CGGBP1: variants seen among roughly 807,000 people sequenced by gnomAD.
CGGBP1 encodes the protein CGG triplet repeat-binding protein 1.
A neutral mutation model predicts 11.4 loss-of-function variants in CGGBP1; 4 were observed. That is an observed-to-expected ratio of 0.35 (90% CI 0.17 to 0.80). The LOEUF (loss-of-function observed/expected upper bound fraction) is 0.80, where lower values mean the gene tolerates loss of function less well. Ranked by LOEUF, CGGBP1 falls within the 30% of genes least tolerant of loss-of-function variation. CGGBP1 has a pLI of 0.52. For missense variants in CGGBP1, 135 were observed against 202.1 expected (o/e 0.67, Z 2.01); for synonymous variants, 76 against 74.1 (o/e 1.03, Z -0.13).
intron 2 of CGGBP1, among the ~76,000 whole-genome samples, chr3:88,105,395 GTGT>G (rs1704676850): frequency 2.0e-5 from 3 of 152,068 alleles, no homozygotes; most frequent in South Asian, 2.1e-4. Context: ...GAATTTTGTT[GTGT>G]TGATGTAGCA....
intron 2 of CGGBP1, among the ~76,000 whole-genome samples, chr3:88,098,251 C>T (rs988856145): frequency 6.6e-6 from 1 of 151,986 alleles, no homozygotes; most frequent in Non-Finnish European, 1.5e-5. Flanking sequence ...TAAATTCCTG[C>T]ACACATACAC....
At chr3:88,083,761 T>C (rs1419160293) in intron 2 of CGGBP1, among the ~76,000 whole-genome samples, 1 of 152,122 alleles carries the variant, frequency 6.6e-6, no homozygotes, top group Non-Finnish European at 1.5e-5. Context: ...TTCAGCGTTA[T>C]CCTGGCCACC....
At chr3:88,076,343 T>C (rs1255615372) in intron 2 of CGGBP1, among the ~76,000 whole-genome samples, 1 of 152,204 alleles carries the variant, frequency 6.6e-6, no homozygotes, top group African/African-American at 2.4e-5. Context: ...CCAGTCACCC[T>C]TCCTTTATTA....
chr3:88,059,007 G>T, upstream of CGGBP1: 1 of 382,940 alleles, frequency 2.6e-6, no homozygotes, highest in African/African-American at 2.2e-5. Context: ...ACCGCCTATG[G>T]CAGAGCCCGT....
intron 2 of CGGBP1, among the ~76,000 whole-genome samples, chr3:88,124,676 T>C (rs1393204656): frequency 6.6e-6 from 1 of 152,208 alleles, no homozygotes; most frequent in Non-Finnish European, 1.5e-5. Flanking sequence ...GAAGCTTTGC[T>C]TTATAACTGC....
chr3:88,115,264 T>G (rs1290000429), intron 2 of CGGBP1, among the ~76,000 whole-genome samples: 2 of 152,204 alleles, frequency 1.3e-5, no homozygotes, highest in Middle Eastern at 3.2e-3. Context: ...TTTGTTGGAT[T>G]TGAGTTAACT....
At chr3:88,101,171 A>T (rs1704399608) in intron 2 of CGGBP1, among the ~76,000 whole-genome samples, 2 of 152,266 alleles carry the variant, frequency 1.3e-5, no homozygotes, top group South Asian at 2.1e-4. Context: ...TCAGTTTATA[A>T]TTCAGTGATT....
intron 2 of CGGBP1, among the ~76,000 whole-genome samples, chr3:88,064,433 T>A (rs1317755096): frequency 6.6e-6 from 1 of 152,176 alleles, no homozygotes; most frequent in African/African-American, 2.4e-5. Flanking sequence ...TTCAGTGTCT[T>A]CAGAGAATTA....
At chr3:88,089,741 A>T (rs190524534) in intron 2 of CGGBP1, among the ~76,000 whole-genome samples, 1 of 152,280 alleles carries the variant, frequency 6.6e-6, no homozygotes, top group East Asian at 1.9e-4. Flanking sequence ...GATCCCAAAA[A>T]TATCTTGAGA....
intron 2 of CGGBP1, among the ~76,000 whole-genome samples, chr3:88,118,829 A>C (rs189216500): frequency 3.9e-4 from 60 of 152,278 alleles, no homozygotes; most frequent in African/African-American, 1.2e-3. Flanking sequence ...TCAAAACCAC[A>C]ATGAGATACC....
intron 2 of CGGBP1, among the ~76,000 whole-genome samples, chr3:88,077,962 T>C (rs1707902244): frequency 6.6e-6 from 1 of 152,210 alleles, no homozygotes; most frequent in Non-Finnish European, 1.5e-5. Context: ...CTATTATGAA[T>C]GTAAATAAAA....
chr3:88,129,053 T>TACCAAAAAAAA, intron 2 of CGGBP1: 1 of 1,370,616 alleles, frequency 7.3e-7, no homozygotes, highest in Non-Finnish European at 9.6e-7. Context: ...ATTTTAACCC[T>TACCAAAAAAAA]ACCAAAAAAA....
chr3:88,059,769 CG>C (rs1559681703), upstream of CGGBP1, among the ~76,000 whole-genome samples: 3 of 152,168 alleles, frequency 2.0e-5, no homozygotes, highest in African/African-American at 7.2e-5. Context: ...GTCGGCTGTC[CG>C]GAAAGCTCTG....
chr3:88,135,261 G>A, intron 2 of CGGBP1: 1 of 1,280,362 alleles, frequency 7.8e-7, no homozygotes, highest in Non-Finnish European at 1.0e-6. Flanking sequence ...ACTGAAACTT[G>A]AATCTCTTTT....
chr3:88,085,995 G>T (rs985720227), intron 2 of CGGBP1, among the ~76,000 whole-genome samples: 3 of 152,124 alleles, frequency 2.0e-5, no homozygotes, highest in African/African-American at 4.8e-5. Context: ...AAGGGCATTA[G>T]TTAACAAAAT....
At chr3:88,119,799 C>T (rs1705660860) in intron 2 of CGGBP1, among the ~76,000 whole-genome samples, 1 of 152,086 alleles carries the variant, frequency 6.6e-6, no homozygotes, top group South Asian at 2.1e-4. Context: ...TAATTCATTA[C>T]TTATTTTAAA....
chr3:88,065,198 C>T (rs1418882149), intron 2 of CGGBP1, among the ~76,000 whole-genome samples: 3 of 152,104 alleles, frequency 2.0e-5, no homozygotes, highest in Non-Finnish European at 4.4e-5. Flanking sequence ...AAGACATCAA[C>T]TCGTTTATTA....
At chr3:88,145,126 T>C (rs1185569221) in intron 1 of CGGBP1, among the ~76,000 whole-genome samples, 1 of 152,066 alleles carries the variant, frequency 6.6e-6, no homozygotes, top group African/African-American at 2.4e-5. Flanking sequence ...TGAAAATTAC[T>C]TCCTAGGAAA....
At position 88,143,167 on chromosome 3, in the gene CGGBP1, TC is replaced by T. The variant is rs1707208325; in HGVS notation, c.-337-2090del. On this transcript the variant is annotated intron_variant, in intron 1 of 3. Transcript: ENST00000462901. ...GCTATTACGGAAGTGGGGAATTTCT[TC>T]CAGGTAGCATCCATATTTTATTAAA... 3.3e-5 allele frequency: 5 copies of T among 152,400 alleles called. No homozygotes were observed. The South Asian group carries it at 1.0e-3, about 32-fold the overall frequency. 9.4% of individuals were successfully genotyped at this position (152,400 alleles called of 1,614,324 possible). A position where few individuals can be genotyped will look rare whatever the true frequency, so the allele number is the denominator to read the frequency against.
Sources: allele counts gnomAD v4.1 joint callset (sites outside exome capture counted in the v4.1 genomes callset), GRCh38; gene constraint gnomAD v4.1.1; transcripts MANE v1.5; gene names NCBI Gene and HGNC (gene_info 2026-07-23, HGNC 2026-07-21).